ACBD6: variants seen among roughly 807,000 people sequenced by gnomAD.
ACBD6 encodes acyl-CoA-binding domain-containing protein 6.
A neutral mutation model predicts 37.2 loss-of-function variants in ACBD6; 28 were observed. The observed-to-expected ratio is 0.75, with a 90% CI of 0.56 to 1.03. ACBD6 has a LOEUF of 1.03. Among genes scored for constraint, ACBD6 ranks in the 50% least tolerant of loss-of-function variants. The pLI is 0.00. For missense variants in ACBD6, 340 were observed against 337.4 expected (o/e 1.01, Z -0.06); for synonymous variants, 113 against 126.8 (o/e 0.89, Z 0.73).
chr1:180,389,977 C>A (rs1423220740), intron 6 of ACBD6, among the ~76,000 whole-genome samples: 1 of 151,862 alleles, frequency 6.6e-6, no homozygotes, highest in African/African-American at 2.4e-5. Flanking sequence ...ATAGTAGTTT[C>A]TTTTGCTGTG....
chr1:180,287,771 A>G (rs2149276403), downstream of ACBD6, among the ~76,000 whole-genome samples: 1 of 152,172 alleles, frequency 6.6e-6, no homozygotes, highest in South Asian at 2.1e-4. Context: ...CTATTCTAAA[A>G]TGCCCCAGGG....
At chr1:180,327,353 T>G (rs912002194) in intron 6 of ACBD6, among the ~76,000 whole-genome samples, 1 of 152,160 alleles carries the variant, frequency 6.6e-6, no homozygotes, top group East Asian at 1.9e-4. Context: ...CCTCTCCAAG[T>G]GCACAGATTC....
chr1:180,344,066 G>C (rs193049584), intron 6 of ACBD6, among the ~76,000 whole-genome samples: 1 of 152,198 alleles, frequency 6.6e-6, no homozygotes, highest in Non-Finnish European at 1.5e-5. Context: ...AAGAATTCTA[G>C]CTGGTCTGAG....
At chr1:180,353,007 A>C (rs72714815) in intron 6 of ACBD6, among the ~76,000 whole-genome samples, 6,908 of 152,328 alleles carry the variant, frequency 0.045, 230 homozygotes, top group South Asian at 0.089. Context: ...TCACTTTCTC[A>C]GTAAAGTCTT....
At chr1:180,309,696 G>A (rs140105057) in intron 7 of ACBD6, among the ~76,000 whole-genome samples, 14 of 152,298 alleles carry the variant, frequency 9.2e-5, no homozygotes, top group African/African-American at 3.4e-4. Context: ...GCATCTTGAA[G>A]CAAGGCATCA....
At chr1:180,426,040 A>G (rs1191145831) in intron 4 of ACBD6, among the ~76,000 whole-genome samples, 42 of 152,196 alleles carry the variant, frequency 2.8e-4, no homozygotes, top group Non-Finnish European at 1.5e-5. Flanking sequence ...TTGAAATTCT[A>G]CAGGCTTTTG....
At chr1:180,476,917 A>G (rs1370417165) in intron 3 of ACBD6, among the ~76,000 whole-genome samples, 3 of 152,192 alleles carry the variant, frequency 2.0e-5, no homozygotes, top group Non-Finnish European at 4.4e-5. Flanking sequence ...AAAATATCCA[A>G]TGAATATATC....
intron 6 of ACBD6, among the ~76,000 whole-genome samples, chr1:180,360,461 G>A (rs1179091119): frequency 6.6e-6 from 1 of 152,136 alleles, no homozygotes; most frequent in Non-Finnish European, 1.5e-5. Context: ...CAGATCAGCA[G>A]TATCAATTTC....
At chr1:180,296,832 T>C (rs1256825150) in intron 7 of ACBD6, among the ~76,000 whole-genome samples, 43 of 151,932 alleles carry the variant, frequency 2.8e-4, no homozygotes, top group Admixed American at 2.7e-3. Context: ...CTTCAAAGAA[T>C]AGGTGAACTC....
chr1:180,443,932 C>G (rs1343287488), intron 3 of ACBD6, among the ~76,000 whole-genome samples: 1 of 151,830 alleles, frequency 6.6e-6, no homozygotes, highest in African/African-American at 2.4e-5. Context: ...CATTTCCCTT[C>G]TTTTGTAACT....
At chr1:180,445,412 C>T (rs1483945768) in intron 3 of ACBD6, among the ~76,000 whole-genome samples, 1 of 152,180 alleles carries the variant, frequency 6.6e-6, no homozygotes, top group Non-Finnish European at 1.5e-5. Flanking sequence ...AAAACTAATA[C>T]TTAAGGAATA....
In ACBD6 at chr1:180,502,226, T is replaced by A; in HGVS notation, c.41A>T (p.Asp14Val). 1 of 1,613,834 alleles carries A rather than the reference T, an allele frequency of 6.2e-7. No individual in the cohort carries two copies. Among genetic ancestry groups the A allele is most frequent in the Non-Finnish European group, 8.5e-7 (1 of 1,180,036 alleles). ...SFLPAGAITGDSGGELSSGDD... is the reference protein window; with the variant it reads ...SFLPAGAITGVSGGELSSGDD... ...CCCTGAGCTCAGCTCTCCACCGCTG[T>A]CGCCGGTGATGGCCCCCGCGGGCAG... The change falls in exon 1 of 8, where the codon GAC becomes GTC. Residue 14 changes from aspartate to valine, a missense_variant. Transcript: ENST00000367595.
chr1:180,289,248 G>C (rs1415258818), intron 7 of ACBD6, among the ~76,000 whole-genome samples: 4 of 152,156 alleles, frequency 2.6e-5, no homozygotes, highest in African/African-American at 9.7e-5. Flanking sequence ...TGGCAGATCA[G>C]TGGGGAAATA....
intron 3 of ACBD6, among the ~76,000 whole-genome samples, chr1:180,433,574 C>CTGTGTGTGTGTGTGTGTG (rs61101474): frequency 6.7e-6 from 1 of 149,720 alleles, no homozygotes; most frequent in Non-Finnish European, 1.5e-5. Context: ...TGGTGTTATG[C>CTGTGTGTGTGTGTGTGTG]TGTGTGTGTG....
chr1:180,331,944 T>A (rs1431843163), intron 6 of ACBD6, among the ~76,000 whole-genome samples: 2 of 152,234 alleles, frequency 1.3e-5, no homozygotes, highest in Non-Finnish European at 2.9e-5. Context: ...ATATGATGTC[T>A]AATTATCCAT....
intron 3 of ACBD6, among the ~76,000 whole-genome samples, chr1:180,484,915 T>A (rs575695258): frequency 7.8e-4 from 119 of 151,766 alleles, no homozygotes; most frequent in African/African-American, 2.7e-3. Context: ...AATACAAAAA[T>A]TAGCTGGGCG....
chr1:180,289,038 T>TAAAAAAAAAAAA (rs11353397), intron 7 of ACBD6, among the ~76,000 whole-genome samples: 2 of 102,966 alleles, frequency 1.9e-5, no homozygotes, highest in Non-Finnish European at 4.1e-5. Flanking sequence ...CTACAGGAAC[T>TAAAAAAAAAAAA]AAAAAAAAAA....
Position 180,314,740 on chromosome 1 carries a change from A to G in ACBD6, c.664-18T>C, listed in dbSNP as rs1199748837. On this transcript the variant is annotated intron_variant, in intron 6 of 7. Coordinates refer to ENST00000367595, the MANE Select transcript of ACBD6 (RefSeq NM_032360.4). The stretch of plus-strand genomic sequence containing the variant: ...TCATTGTCCTATAAAAGAAACAAAT[A>G]ATACATTTTAGAAGTCTAAGTAATT... 3 of 1,521,336 alleles carry G rather than the reference A, an allele frequency of 2.0e-6. No individual in the cohort carries two copies. The highest frequency in any genetic ancestry group is 2.7e-6 in the Non-Finnish European group (3 of 1,098,710). 94.2% of individuals were successfully genotyped at this position (1,521,336 alleles called of 1,614,324 possible). A position where few individuals can be genotyped will look rare whatever the true frequency, so the allele number is the denominator to read the frequency against.
intron 5 of ACBD6, among the ~76,000 whole-genome samples, chr1:180,398,187 A>G (rs1309549386): frequency 6.6e-6 from 1 of 152,220 alleles, no homozygotes; most frequent in Non-Finnish European, 1.5e-5. Context: ...TACAGAGTGG[A>G]GATAATGATA....
Sources: gnomAD v4.1 joint callset for allele counts (sites outside exome capture counted in the v4.1 genomes callset) on GRCh38, gnomAD v4.1.1 for gene constraint, MANE v1.5 for transcripts, NCBI Gene and HGNC (gene_info 2026-07-23, HGNC 2026-07-21) for gene names.